Variants in WDR72 observed in about 807,000 individuals in gnomAD.
WDR72 encodes WD repeat-containing protein 72.
A neutral mutation model predicts 124.2 loss-of-function variants in WDR72; 120 were observed. The ratio of observed to expected loss-of-function variants is 0.97; its 90% CI spans 0.83 to 1.12. WDR72 has a LOEUF of 1.12. WDR72 is among the 50% of genes most tolerant of loss of function. The probability of loss-of-function intolerance (pLI) is 0.00; values close to 1 mark genes in which losing one functional copy is unlikely to be tolerated. For missense variants in WDR72, 1,387 were observed against 1,278.8 expected, an observed-to-expected ratio of 1.08 and a Z score of -1.29; for synonymous variants, 452 against 441.7, an observed-to-expected ratio of 1.02 and a Z score of -0.29.
intron 18 of WDR72, among the ~76,000 whole-genome samples, chr15:53,572,563 G>A (rs559450981): frequency 2.6e-5 from 4 of 152,146 alleles, no homozygotes; most frequent in South Asian, 4.1e-4. Context: ...CACAATCCAT[G>A]AAAGAAAAAA....
intron 1 of WDR72, among the ~76,000 whole-genome samples, chr15:53,758,766 TGC>T (rs1399932850): frequency 2.2e-3 from 2 of 902 alleles, no homozygotes; most frequent in Non-Finnish European, 4.7e-3. Flanking sequence ...AACACAAAAC[TGC>T]GGGGGGGGGG....
intron 13 of WDR72, among the ~76,000 whole-genome samples, chr15:53,671,555 G>C (rs889172398): frequency 6.6e-6 from 1 of 152,146 alleles, no homozygotes; most frequent in Non-Finnish European, 1.5e-5. Flanking sequence ...TCCTTTCCCT[G>C]AGGCAGTGAA....
intron 1 of WDR72, among the ~76,000 whole-genome samples, chr15:53,750,386 C>T (rs181150559): frequency 2.0e-5 from 3 of 152,204 alleles, no homozygotes; most frequent in Non-Finnish European, 2.9e-5. Flanking sequence ...AGATCTACTG[C>T]TCAGAAAAAA....
chr15:53,650,893 G>GTTTTTT lies in WDR72; in HGVS notation c.1962+14673_1962+14678dup, dbSNP rs71297666. On this transcript the variant is annotated intron_variant, in intron 14 of 19. Coordinates refer to ENST00000360509, the MANE Select transcript of WDR72 (RefSeq NM_182758.4). The stretch of plus-strand genomic sequence containing the variant: ...CAGACACACTCTCTCCTCTAATTCA[G>GTTTTTT]TTTTTTTTTTTTTTTTTTTTTTTAC... Among the ~76,000 whole-genome samples the GTTTTTT allele has an allele frequency of 3.7e-4, 39 of 106,776 alleles. 6 individuals are homozygous for GTTTTTT. The highest frequency in any genetic ancestry group is 9.8e-4 in the African/African-American group (26 of 26,492). 70.0% of individuals were successfully genotyped at this position (106,776 alleles called of 152,430 possible). A position where few individuals can be genotyped will look rare whatever the true frequency, so the allele number is the denominator to read the frequency against.
At chr15:53,629,473 T>C (rs991120614) in intron 14 of WDR72, among the ~76,000 whole-genome samples, 20 of 148,444 alleles carry the variant, frequency 1.3e-4, no homozygotes, top group Admixed American at 4.6e-4. Context: ...CACGAAGTTA[T>C]GGAAGAAAAA....
intron 19 of WDR72, among the ~76,000 whole-genome samples, chr15:53,521,693 A>T (rs1279516282): frequency 1.3e-5 from 2 of 152,082 alleles, no homozygotes; most frequent in Non-Finnish European, 2.9e-5. Context: ...TACTTTTGAA[A>T]TGATATAAAG....
At chr15:53,648,654 C>T (rs1032360351) in intron 14 of WDR72, among the ~76,000 whole-genome samples, 1 of 152,008 alleles carries the variant, frequency 6.6e-6, no homozygotes, top group South Asian at 2.1e-4. Context: ...ACCACAAACA[C>T]TTATTTTGGG....
intron 13 of WDR72, among the ~76,000 whole-genome samples, chr15:53,691,515 A>G (rs1017639234): frequency 6.6e-6 from 1 of 152,194 alleles, no homozygotes; most frequent in Non-Finnish European, 1.5e-5. Flanking sequence ...TTGATACACA[A>G]AAGTTTTTAA....
At chr15:53,682,372 T>G (rs1383038721) in intron 13 of WDR72, among the ~76,000 whole-genome samples, 1 of 151,908 alleles carries the variant, frequency 6.6e-6, no homozygotes, top group East Asian at 1.9e-4. Flanking sequence ...AGATGTACAC[T>G]GGGTCTTGTC....
chr15:53,658,161 G>A (rs2015491890), intron 14 of WDR72, among the ~76,000 whole-genome samples: 2 of 152,140 alleles, frequency 1.3e-5, no homozygotes, highest in African/African-American at 4.8e-5. Flanking sequence ...AATTATATCT[G>A]TAGTCCTGGG....
At chr15:53,655,795 C>A (rs1333999490) in intron 14 of WDR72, among the ~76,000 whole-genome samples, 1 of 152,098 alleles carries the variant, frequency 6.6e-6, no homozygotes, top group African/African-American at 2.4e-5. Flanking sequence ...CAGGTTCAAG[C>A]AATTCTCCTG....
At chr15:53,726,713 G>A (rs963090726) in intron 2 of WDR72, among the ~76,000 whole-genome samples, 9 of 151,732 alleles carry the variant, frequency 5.9e-5, no homozygotes, top group South Asian at 2.1e-4. Flanking sequence ...GCATGGTGGC[G>A]CACATCTGTG....
intron 14 of WDR72, among the ~76,000 whole-genome samples, chr15:53,648,110 A>C (rs10518733): frequency 0.21 from 32,527 of 152,020 alleles, 3,887 homozygotes; most frequent in East Asian, 0.46. Flanking sequence ...TCATGATCCA[A>C]TTTTGGTCTA....
intron 6 of WDR72, among the ~76,000 whole-genome samples, chr15:53,713,543 C>G (rs896089463): frequency 2.6e-5 from 4 of 151,598 alleles, no homozygotes; most frequent in African/African-American, 9.7e-5. Context: ...CCCCGCCTCC[C>G]GGGTTCAAAC....
intron 18 of WDR72, among the ~76,000 whole-genome samples, chr15:53,547,094 A>G (rs1677958446): frequency 6.6e-6 from 1 of 152,278 alleles, no homozygotes; most frequent in African/African-American, 2.4e-5. Flanking sequence ...AACCTACTTA[A>G]TTCAGAAACA....
At chr15:53,548,869 A>G (rs570592672) in intron 18 of WDR72, among the ~76,000 whole-genome samples, 4 of 152,192 alleles carry the variant, frequency 2.6e-5, no homozygotes, top group South Asian at 2.1e-4. Flanking sequence ...ATAGACAGCA[A>G]TGCAAACAGT....
intron 14 of WDR72, among the ~76,000 whole-genome samples, chr15:53,624,564 C>T (rs1333010774): frequency 6.6e-6 from 1 of 152,222 alleles, no homozygotes; most frequent in East Asian, 1.9e-4. Context: ...GCCTAGTGCA[C>T]TGCCATAAGC....
chr15:53,643,074 A>T (rs947532453), intron 14 of WDR72, among the ~76,000 whole-genome samples: 1 of 152,120 alleles, frequency 6.6e-6, no homozygotes, highest in Non-Finnish European at 1.5e-5. Context: ...AAGATTCTAA[A>T]GTAGAAAATA....
At chr15:53,599,801 T>G (rs1027635327) in intron 17 of WDR72, among the ~76,000 whole-genome samples, 22 of 152,234 alleles carry the variant, frequency 1.4e-4, no homozygotes, top group African/African-American at 5.3e-4. Flanking sequence ...ATACAGGAAT[T>G]TATGTATTTT....
Sources: gnomAD v4.1 joint callset for allele counts (sites outside exome capture counted in the v4.1 genomes callset) on GRCh38, gnomAD v4.1.1 for gene constraint, MANE v1.5 for transcripts, NCBI Gene and HGNC (gene_info 2026-07-23, HGNC 2026-07-21) for gene names.